HGF: variants seen among roughly 807,000 people sequenced by gnomAD.
The protein encoded by HGF is hepatocyte growth factor, also known as fibroblast-derived tumor cytotoxic factor.
A neutral mutation model predicts 111.6 loss-of-function variants in HGF; 39 were observed. The observed-to-expected ratio is 0.35, with a 90% CI of 0.27 to 0.46. The LOEUF (loss-of-function observed/expected upper bound fraction) is 0.46, where lower values mean the gene tolerates loss of function less well. Ranked by LOEUF, HGF falls within the 20% of genes least tolerant of loss-of-function variation. The pLI is 1.00. For synonymous variants in HGF, 285 were observed against 294.8 expected (o/e 0.97, Z 0.34); for missense variants, 735 against 910.5 (o/e 0.81, Z 2.48).
chr7:81,763,963 A>G (rs749719809), intron 1 of HGF, among the ~76,000 whole-genome samples: 1 of 152,194 alleles, frequency 6.6e-6, no homozygotes, highest in Non-Finnish European at 1.5e-5. Flanking sequence ...TGACCATGCC[A>G]TCTGTAGCTA....
At position 81,713,011 on chromosome 7, in the gene HGF, G is replaced by A. The variant is rs147624149; in HGVS notation, c.1406-1492C>T. 3.1e-3 allele frequency among the ~76,000 whole-genome samples: 466 copies of A among 152,026 alleles called. 3 individuals are homozygous for A. The highest frequency in any genetic ancestry group is 0.023 in the East Asian group (118 of 5,174). On this transcript the variant is annotated intron_variant, in intron 11 of 17. Coordinates refer to ENST00000222390, the MANE Select transcript of HGF (RefSeq NM_000601.6). Reference sequence around the variant, plus strand: ...ATTAAGTATGAGTTAAGATTGAGGCGGACTATGGTAACAAAACTTCAAGGA... The same window carrying A: ...ATTAAGTATGAGTTAAGATTGAGGCAGACTATGGTAACAAAACTTCAAGGA...
At position 81,699,612 on chromosome 7, in the gene HGF, T is replaced by TA. The variant is rs1029645052; in HGVS notation, c.*2968dup. ...TATATTGCAAAACCAGTATTTCTTTTAAAAAAGTTTAAAAACAACAATGAA... is the reference window on the plus strand; with the variant it reads ...TATATTGCAAAACCAGTATTTCTTTTAAAAAAAGTTTAAAAACAACAATGAA... On this transcript the variant is annotated 3_prime_UTR_variant, in exon 18 of 18. Transcript: ENST00000222390. 1.3e-5 allele frequency: 2 copies of TA among 151,646 alleles called. No homozygotes were observed. Among genetic ancestry groups the TA allele is most frequent in the Non-Finnish European group, 3.0e-5 (2 of 67,696 alleles). The allele number at this position is 151,646 out of a possible 1,614,324, so 9.4% of individuals were successfully genotyped here.
intron 14 of HGF, 130 bp from the exon 15 acceptor site, chr7:81,706,557 T>A: frequency 1.4e-6 from 1 of 714,602 alleles, no homozygotes; most frequent in East Asian, 2.7e-5. Flanking sequence ...CATAGTATAA[T>A]AAAGAACAAC....
chr7:81,755,308 A>G (rs533251686), intron 4 of HGF: 16 of 152,252 alleles, frequency 1.1e-4, no homozygotes, highest in African/African-American at 3.8e-4. Flanking sequence ...CTGTAAAATT[A>G]ATCTTTAGTC....
rs749085781 is a variant in HGF, at chr7:81,752,165, G to C, written c.580C>G (p.Pro194Ala). The C allele has an allele frequency of 6.2e-7, 1 of 1,613,616 alleles. No homozygotes were observed. Among genetic ancestry groups the C allele is most frequent in the Admixed American group, 1.7e-5 (1 of 59,992 alleles). ...TCACAGACTTCGTAGCGTACCTCTG[G>C]ATTGCTTGTGAAACACCAGGGTCCC... ...EGGPWCFTSNPEVRYEVCDIP... is the reference protein window; with the variant it reads ...EGGPWCFTSNAEVRYEVCDIP... The change falls in exon 5 of 18, where the codon CCA (proline) becomes GCA (alanine). Residue 194 changes from proline to alanine, a missense_variant. This residue lies in a region of HGF where 553 missense variants were observed against 685.6 expected (regional missense o/e 0.81). Transcript: ENST00000222390.
intron 7 of HGF, among the ~76,000 whole-genome samples, chr7:81,740,276 G>A (rs1251846460): frequency 2.0e-5 from 3 of 152,128 alleles, no homozygotes; most frequent in African/African-American, 7.2e-5. Flanking sequence ...CCCAGAATGA[G>A]TTCAGCTGGA....
chr7:81,722,395 C>T (rs962650570), intron 9 of HGF, among the ~76,000 whole-genome samples: 2 of 151,524 alleles, frequency 1.3e-5, no homozygotes, highest in African/African-American at 2.4e-5. Context: ...AAACTCCTGA[C>T]CTCAAGTGAT....
At chr7:81,719,859 T>A (rs1049265667) in intron 10 of HGF, among the ~76,000 whole-genome samples, 2 of 152,178 alleles carry the variant, frequency 1.3e-5, no homozygotes, top group Non-Finnish European at 2.9e-5. Flanking sequence ...ACTCCATCTC[T>A]CTGAGCCCTT....
At chr7:81,768,626 G>C in intron 1 of HGF, among the ~76,000 whole-genome samples, 2 of 152,194 alleles carry the variant, frequency 1.3e-5, no homozygotes, top group Admixed American at 1.3e-4. Context: ...TGATCTGCCC[G>C]CCTCGGCCTC....
At chr7:81,716,119 G>A (rs1217874522) in intron 11 of HGF, among the ~76,000 whole-genome samples, 1 of 152,178 alleles carries the variant, frequency 6.6e-6, no homozygotes, top group Non-Finnish European at 1.5e-5. Context: ...GGTTACCAGT[G>A]GAAATGATTT....
intron 9 of HGF, among the ~76,000 whole-genome samples, chr7:81,721,270 A>G (rs530868809): frequency 6.6e-6 from 1 of 151,866 alleles, no homozygotes; most frequent in Non-Finnish European, 1.5e-5. Context: ...AAAAAAAATT[A>G]AAGTACTTGA....
chr7:81,765,017 C>A (rs529607906), intron 1 of HGF, among the ~76,000 whole-genome samples: 1 of 151,802 alleles, frequency 6.6e-6, no homozygotes, highest in Non-Finnish European at 1.5e-5. Flanking sequence ...GTTTTATACA[C>A]GTATTTCTTA....
At chr7:81,761,545 A>C (rs920139454) in intron 2 of HGF, among the ~76,000 whole-genome samples, 4 of 150,946 alleles carry the variant, frequency 2.6e-5, no homozygotes, top group African/African-American at 9.9e-5. Context: ...GATTTTATGC[A>C]TGACCCTGTT....
At chr7:81,712,744 C>T (rs2115813734) in intron 11 of HGF, among the ~76,000 whole-genome samples, 1 of 152,280 alleles carries the variant, frequency 6.6e-6, no homozygotes, top group African/African-American at 2.4e-5. Context: ...ATGCCCTGAG[C>T]TCAAATAAGC....
intron 3 of HGF, among the ~76,000 whole-genome samples, chr7:81,758,152 A>G (rs916511656): frequency 6.6e-6 from 1 of 151,972 alleles, no homozygotes; most frequent in Non-Finnish European, 1.5e-5. Flanking sequence ...ATATCAGACC[A>G]CCAGAATAGG....
intron 7 of HGF, among the ~76,000 whole-genome samples, chr7:81,730,318 G>A (rs1291208863): frequency 6.6e-6 from 1 of 152,082 alleles, no homozygotes; most frequent in East Asian, 1.9e-4. Flanking sequence ...CAGGAGTGGT[G>A]GTGGCAGGTG....
At chr7:81,742,634 G>A (rs561103875) in intron 7 of HGF, 105 of 1,010,716 alleles carry the variant, frequency 1.0e-4, no homozygotes, top group Non-Finnish European at 1.3e-4. Flanking sequence ...GTGAAAATGT[G>A]TGACTTAACC....
Position 81,699,051 on chromosome 7 carries a change from G to C in HGF, c.*3530C>G, listed in dbSNP as rs1034572155. The C allele has an allele frequency of 4.6e-5, 7 of 151,166 alleles. No homozygotes were observed. The highest frequency in any genetic ancestry group is 1.7e-4 in the African/African-American group (7 of 41,278). 9.4% of individuals were successfully genotyped at this position (151,166 alleles called of 1,614,324 possible). Reference sequence around the variant, plus strand: ...TATTAATAATAATAATATAATCATGGTTATAAAAATAACAACTTTATTAAC... The same window carrying C: ...TATTAATAATAATAATATAATCATGCTTATAAAAATAACAACTTTATTAAC... On this transcript the variant is annotated 3_prime_UTR_variant, in exon 18 of 18. Transcript: ENST00000222390.
chr7:81,706,018 T>C (rs1789415295), intron 15 of HGF, among the ~76,000 whole-genome samples: 1 of 151,974 alleles, frequency 6.6e-6, no homozygotes, highest in Non-Finnish European at 1.5e-5. Context: ...TTGAAAGTTA[T>C]CAAATAACTG....
Sources: allele counts gnomAD v4.1 joint callset (sites outside exome capture counted in the v4.1 genomes callset), GRCh38; gene constraint gnomAD v4.1.1; regional missense constraint gnomAD v4.1.1; transcripts MANE v1.5; gene names NCBI Gene and HGNC (gene_info 2026-07-23, HGNC 2026-07-21).